OR1L6: variants seen among roughly 807,000 people sequenced by gnomAD.
The protein encoded by OR1L6 is olfactory receptor family 1 subfamily L member 6.
OR1L6 carries 2 observed loss-of-function variants against 3.0 expected under a neutral mutation model. The observed-to-expected ratio is 0.68, with a 90% CI of 0.28 to 2.13. The LOEUF is 2.13. Among genes scored for constraint, OR1L6 ranks in the 30% most tolerant of loss-of-function variants. The pLI, the probability that OR1L6 is intolerant of heterozygous loss-of-function variation, is 0.14. For synonymous variants in OR1L6, 121 were observed against 148.4 expected (o/e 0.82, Z 1.34); for missense variants, 304 against 378.4 (o/e 0.80, Z 1.63).
chr9:122,742,550 T>A (rs764764856), intron 1 of OR1L6, among the ~76,000 whole-genome samples, 177 bp downstream of exon 1: 7 of 152,200 alleles, frequency 4.6e-5, no homozygotes, highest in African/African-American at 1.7e-4. Context: ...ATTTGAAATA[T>A]CTACTTTGTT....
At chr9:122,749,095 A>T (rs1189907349) in intron 1 of OR1L6, among the ~76,000 whole-genome samples, 1 of 152,148 alleles carries the variant, frequency 6.6e-6, no homozygotes, top group South Asian at 2.1e-4. Flanking sequence ...TTCTTTCTGT[A>T]TTCTGTTCCA....
In OR1L6 at chr9:122,750,576, C is replaced by T. The variant is rs10985761; in HGVS notation, c.729C>T (p.Gly243=). 2.0e-3 allele frequency: 3,240 copies of T among 1,613,924 alleles called. 4 individuals are homozygous for T. Among genetic ancestry groups the T allele is most frequent in the Non-Finnish European group, 2.5e-3 (2,987 of 1,179,942 alleles). ...AGTGGAAGGCCTTCTCTACCTGTGG[C>T]TCCCACCTCACTGCAGTAGCCCTTT... The part of the protein sequence containing the change: ...AGKWKAFSTC[G]SHLTAVALFY... The change falls in exon 2 of 2, where the codon GGC becomes GGT. Residue 243 remains glycine (G), a synonymous_variant. Coordinates refer to ENST00000304720, the MANE Select transcript of OR1L6 (RefSeq NM_001004453.3).
intron 1 of OR1L6, among the ~76,000 whole-genome samples, chr9:122,743,749 A>G (rs2118906324): frequency 6.6e-6 from 1 of 152,350 alleles, no homozygotes; most frequent in East Asian, 1.9e-4. Context: ...CTCTGAAGGC[A>G]AGAAACAGAG....
At chr9:122,744,087 A>G (rs1010310230) in intron 1 of OR1L6, among the ~76,000 whole-genome samples, 5 of 152,192 alleles carry the variant, frequency 3.3e-5, no homozygotes, top group African/African-American at 7.2e-5. Context: ...GTAAAGGGCA[A>G]AATAATGGTA....
chr9:122,748,897 C>T (rs7042402), intron 1 of OR1L6, among the ~76,000 whole-genome samples: 2,744 of 152,268 alleles, frequency 0.018, 89 homozygotes, highest in African/African-American at 0.063. Context: ...ACAAATGACA[C>T]GATTTCATTA....
At chr9:122,742,903 GT>G (rs1828804019) in intron 1 of OR1L6, among the ~76,000 whole-genome samples, 1 of 152,334 alleles carries the variant, frequency 6.6e-6, no homozygotes, top group Non-Finnish European at 1.5e-5. Context: ...TAACCCAGAG[GT>G]GTTCCACCCA....
intron 1 of OR1L6, among the ~76,000 whole-genome samples, chr9:122,747,362 G>T: frequency 6.6e-6 from 1 of 151,876 alleles, no homozygotes; most frequent in East Asian, 1.9e-4. Flanking sequence ...TTTGATTGGG[G>T]TTAGAAAAGT....
intron 1 of OR1L6, among the ~76,000 whole-genome samples, chr9:122,748,401 CA>C (rs370836654): frequency 1.4e-3 from 183 of 134,688 alleles, no homozygotes; most frequent in Admixed American, 4.1e-3. Context: ...TCCTCTGGAA[CA>C]AAAAAAAAAA....
chr9:122,745,884 T>G (rs143652856), intron 1 of OR1L6, among the ~76,000 whole-genome samples: 2,422 of 152,310 alleles, frequency 0.016, 43 homozygotes, highest in Admixed American at 0.022. Flanking sequence ...TTTTTATTAT[T>G]ATACTTTAAG....
chr9:122,743,513 C>T (rs1331936406), intron 1 of OR1L6, among the ~76,000 whole-genome samples: 1 of 152,164 alleles, frequency 6.6e-6, no homozygotes, highest in African/African-American at 2.4e-5. Context: ...GCAGAATCCC[C>T]AAGTGGAACA....
rs1299002885 is a variant in OR1L6 at position 122,750,375 on chromosome 9, G to T, written c.528G>T (p.Lys176Asn). ...RLSFCASHII[K>N]HFFCDTQPVL... ...CTTTCTGTGCCTCTCACATCATTAA[G>T]CACTTTTTCTGTGACACCCAGCCTG... Residue 176 changes from lysine (K) to asparagine (N), a missense_variant, in exon 2 of 2, where the codon AAG (lysine) becomes AAT (asparagine). Lys to Asn is a moderately conservative substitution (Grantham distance 94, BLOSUM62 0). This residue lies in a region of OR1L6 where 192 missense variants were observed against 242.7 expected (regional missense o/e 0.79). Coordinates refer to ENST00000304720, the MANE Select transcript of OR1L6 (RefSeq NM_001004453.3). 6.2e-7 allele frequency: 1 copy of T among 1,613,110 alleles called. No individual in the cohort carries two copies. The highest frequency in any genetic ancestry group is 8.5e-7 in the Non-Finnish European group (1 of 1,179,626).
rs563706694 is a variant in OR1L6, at chr9:122,745,057, G to T, written c.-14+2684G>T. Among the ~76,000 whole-genome samples, 38 of 152,274 alleles carry T rather than the reference G, an allele frequency of 2.5e-4. 1 individual carries two copies. In the South Asian group the frequency reaches 7.7e-3, roughly 31 times the overall value. ...AGGAAATGTGGAACGAACCCAAAGA[G>T]TTAAATAAGTACATTGCCTAAGAGT... On this transcript the variant is annotated intron_variant, in intron 1 of 1. Transcript: ENST00000304720.
chr9:122,745,452 G>A (rs1011344829), intron 1 of OR1L6, among the ~76,000 whole-genome samples: 42 of 111,950 alleles, frequency 3.8e-4, no homozygotes, highest in Admixed American at 7.0e-4. Flanking sequence ...TCGGTCTGTC[G>A]CCCAGACTGG....
chr9:122,742,397 T>C (rs530004644), intron 1 of OR1L6, 24 bp downstream of exon 1: 1 of 152,294 alleles, frequency 6.6e-6, no homozygotes, highest in East Asian at 1.9e-4. Context: ...GGGGACTTGA[T>C]AATGGGAACT....
At chr9:122,745,687 C>T (rs1409546487) in intron 1 of OR1L6, among the ~76,000 whole-genome samples, 2 of 151,990 alleles carry the variant, frequency 1.3e-5, no homozygotes, top group African/African-American at 2.4e-5. Context: ...GCTGGGATTA[C>T]AGGCGTAAAC....
intron 1 of OR1L6, among the ~76,000 whole-genome samples, chr9:122,748,861 T>C (rs1828861401): frequency 6.6e-6 from 1 of 152,224 alleles, no homozygotes; most frequent in African/African-American, 2.4e-5. Flanking sequence ...CTCAGAATAA[T>C]GACCTCCAGT....
chr9:122,750,533 T>G lies in OR1L6; in HGVS notation c.686T>G (p.Ile229Ser). The G allele has an allele frequency of 6.7e-7, 1 of 1,501,134 alleles. No individual in the cohort carries two copies. The highest frequency in any genetic ancestry group is 9.2e-7 in the Non-Finnish European group (1 of 1,082,784). 93.0% of individuals were successfully genotyped at this position (1,501,134 alleles called of 1,614,324 possible). A position where few individuals can be genotyped will look rare whatever the true frequency, so the allele number is the denominator to read the frequency against. Residue 229 changes from isoleucine (I) to serine (S), a missense_variant, in exon 2 of 2, where the codon ATC (isoleucine) becomes AGC (serine). By Grantham distance (142) the Ile-to-Ser change is moderately radical (BLOSUM62 -2). Coordinates refer to ENST00000304720, the MANE Select transcript of OR1L6 (RefSeq NM_001004453.3). ...YLRIMVTVLR[I>S]PSAAGKWKAF... ...CGAATCATGGTCACTGTGCTCAGAA[T>G]CCCCTCTGCAGCCGGGAAGTGGAAG...
At chr9:122,748,104 C>T (rs1828853987) in intron 1 of OR1L6, among the ~76,000 whole-genome samples, 1 of 152,112 alleles carries the variant, frequency 6.6e-6, no homozygotes, top group African/African-American at 2.4e-5. Flanking sequence ...TGAGTGACAT[C>T]TTTGGACCAA....
At chr9:122,749,304 C>G (rs1026764958) in intron 1 of OR1L6, among the ~76,000 whole-genome samples, 1 of 151,834 alleles carries the variant, frequency 6.6e-6, no homozygotes, top group Non-Finnish European at 1.5e-5. Context: ...GATATTTCTA[C>G]GTTGATAGGG....
Sources: gnomAD v4.1 joint callset for allele counts (sites outside exome capture counted in the v4.1 genomes callset) on GRCh38, gnomAD v4.1.1 for gene constraint, gnomAD v4.1.1 regional missense constraint, MANE v1.5 for transcripts, NCBI Gene and HGNC (gene_info 2026-07-23, HGNC 2026-07-21) for gene names.